Variants in CERT1 observed in about 807,000 individuals in gnomAD.
CERT1 encodes the protein ceramide transfer protein.
In CERT1, 31 loss-of-function variants were observed where a neutral mutation model predicts 87.9. The observed-to-expected ratio is 0.35, with a 90% CI of 0.27 to 0.48. The LOEUF (loss-of-function observed/expected upper bound fraction) is 0.48. CERT1 is among the 20% of genes least tolerant of loss of function. The pLI is 0.99. For synonymous variants in CERT1, 289 were observed against 250.9 expected, an observed-to-expected ratio of 1.15 and a Z score of -1.44; for missense variants, 487 against 758.0, an observed-to-expected ratio of 0.64 and a Z score of 4.20.
intron 11 of CERT1, among the ~76,000 whole-genome samples, chr5:75,396,325 A>G (rs1266906826): frequency 6.6e-6 from 1 of 152,214 alleles, no homozygotes; most frequent in Non-Finnish European, 1.5e-5. Context: ...AAGGTGATTA[A>G]AAATGTCGAC....
intron 2 of CERT1, among the ~76,000 whole-genome samples, chr5:75,504,020 A>C (rs1427673456): frequency 7.9e-6 from 1 of 126,254 alleles, no homozygotes; most frequent in Non-Finnish European, 1.8e-5. Flanking sequence ...TACTCTAGGA[A>C]TACTACTACT....
chr5:75,466,565 T>C (rs146284697), intron 2 of CERT1, among the ~76,000 whole-genome samples: 1 of 152,280 alleles, frequency 6.6e-6, no homozygotes, highest in Non-Finnish European at 1.5e-5. Flanking sequence ...AGAGCAACCC[T>C]CTCCAGCTGA....
chr5:75,458,749 A>G (rs1002033676), intron 3 of CERT1, among the ~76,000 whole-genome samples: 27 of 152,038 alleles, frequency 1.8e-4, no homozygotes, highest in Non-Finnish European at 3.5e-4. Flanking sequence ...AAGGGATTTC[A>G]CCATGCTGGC....
At position 75,416,990 on chromosome 5, in the gene CERT1, A is replaced by G; in HGVS notation, c.723T>C (p.Phe241=). The G allele has an allele frequency of 3.1e-6, 5 of 1,611,696 alleles. No individual in the cohort carries two copies. The highest frequency in any genetic ancestry group is 3.4e-6 in the Non-Finnish European group (4 of 1,177,986). Residue 241 remains phenylalanine, a synonymous_variant, in exon 7 of 17, where the codon TTT becomes TTC. Coordinates refer to ENST00000643780, the MANE Select transcript of CERT1 (RefSeq NM_001379029.1). ...VTPKGINGID[F]KGEAITFKAT... ...CTTTAAAAGTTATCGCTTCCCCTTTAAAGTCTATACCATTAATTCCTTTTG... is the reference window on the plus strand; with the variant it reads ...CTTTAAAAGTTATCGCTTCCCCTTTGAAGTCTATACCATTAATTCCTTTTG...
chr5:75,511,212 G>A lies in CERT1; in HGVS notation c.-5C>T, dbSNP rs551811011. ...CCAGCTCTGATTATCCGACATGGAG[G>A]CTCGACAACCGAGCAGGAGACCGGC... On this transcript the variant is annotated 5_prime_UTR_variant, in exon 1 of 17. Coordinates refer to ENST00000643780, the MANE Select transcript of CERT1 (RefSeq NM_001379029.1). 2 of 1,612,716 alleles carry A rather than the reference G, an allele frequency of 1.2e-6. No homozygotes were observed. Among genetic ancestry groups the A allele is most frequent in the East Asian group, 2.2e-5 (1 of 44,820 alleles).
At chr5:75,508,249 CT>C (rs1488860444) in intron 1 of CERT1, among the ~76,000 whole-genome samples, 1 of 151,762 alleles carries the variant, frequency 6.6e-6, no homozygotes, top group Non-Finnish European at 1.5e-5. Flanking sequence ...TCTTTGTGTT[CT>C]TTTTTTCTTT....
chr5:75,492,887 C>A (rs1766863504), intron 2 of CERT1, among the ~76,000 whole-genome samples: 1 of 152,146 alleles, frequency 6.6e-6, no homozygotes, highest in East Asian at 1.9e-4. Context: ...TAGGACGCAT[C>A]AGAATCATTT....
chr5:75,487,463 C>A (rs1766576078), intron 2 of CERT1, among the ~76,000 whole-genome samples: 1 of 151,806 alleles, frequency 6.6e-6, no homozygotes, highest in Admixed American at 6.6e-5. Context: ...GCAACCAGAG[C>A]AAAAATGGAC....
At chr5:75,427,633 G>A (rs975792602) in intron 3 of CERT1, among the ~76,000 whole-genome samples, 1 of 152,160 alleles carries the variant, frequency 6.6e-6, no homozygotes, top group African/African-American at 2.4e-5. Flanking sequence ...ATATGCTTGT[G>A]TGGAAAAACC....
chr5:75,381,343 A>G (rs1761576862), intron 15 of CERT1, 142 bp from the exon 16 acceptor site: 1 of 925,394 alleles, frequency 1.1e-6, no homozygotes, highest in Admixed American at 2.3e-5. Context: ...CTGATATGAC[A>G]CCAGGATTCC....
intron 3 of CERT1, among the ~76,000 whole-genome samples, chr5:75,458,248 A>T (rs980666963): frequency 6.6e-6 from 1 of 152,170 alleles, no homozygotes; most frequent in Non-Finnish European, 1.5e-5. Context: ...AGCTTAAATT[A>T]TATGAATGTA....
chr5:75,484,389 C>T (rs1766404711), intron 2 of CERT1, among the ~76,000 whole-genome samples: 1 of 149,832 alleles, frequency 6.7e-6, no homozygotes, highest in South Asian at 2.1e-4. Context: ...GGAGTAAATC[C>T]TTGCTTATTA....
At chr5:75,376,681 A>G (rs1366141771), downstream of CERT1, 4 of 152,212 alleles carry the variant, frequency 2.6e-5, no homozygotes, top group South Asian at 2.1e-4. Flanking sequence ...GAGAATCCCT[A>G]AAGGGTAAGG....
At chr5:75,487,469 T>G (rs1031724159) in intron 2 of CERT1, among the ~76,000 whole-genome samples, 1 of 151,834 alleles carries the variant, frequency 6.6e-6, no homozygotes, top group Admixed American at 6.6e-5. Context: ...AGAGCAAAAA[T>G]GGACAAATGA....
intron 8 of CERT1, among the ~76,000 whole-genome samples, chr5:75,407,535 A>G (rs1762755843): frequency 6.6e-6 from 1 of 151,808 alleles, no homozygotes; most frequent in African/African-American, 2.4e-5. Context: ...AACCCAAACA[A>G]ACAAACAAAC....
chr5:75,400,602 C>A, intron 9 of CERT1: 1 of 236,258 alleles, frequency 4.2e-6, no homozygotes. Context: ...TCAATCTTAA[C>A]GCTGCTGCCA....
At chr5:75,489,300 G>A (rs1239063910) in intron 2 of CERT1, among the ~76,000 whole-genome samples, 7 of 152,144 alleles carry the variant, frequency 4.6e-5, no homozygotes, top group African/African-American at 1.7e-4. Flanking sequence ...AACCCTAGAA[G>A]AAAACCTAGG....
chr5:75,453,101 C>G (rs565315760), intron 3 of CERT1, among the ~76,000 whole-genome samples: 1 of 152,210 alleles, frequency 6.6e-6, no homozygotes, highest in South Asian at 2.1e-4. Context: ...TTAAATCATA[C>G]AGTCATTTCG....
At chr5:75,393,890 G>C (rs183858990) in intron 11 of CERT1, among the ~76,000 whole-genome samples, 3,578 of 151,888 alleles carry the variant, frequency 0.024, 138 homozygotes, top group African/African-American at 0.082. Context: ...ACTTGAACCC[G>C]GGAGGCGGAG....
Sources: gnomAD v4.1 joint callset for allele counts (sites outside exome capture counted in the v4.1 genomes callset) on GRCh38, gnomAD v4.1.1 for gene constraint, MANE v1.5 for transcripts, NCBI Gene and HGNC (gene_info 2026-07-23, HGNC 2026-07-21) for gene names.